TDRP: variants seen among roughly 807,000 people sequenced by gnomAD.
TDRP encodes the protein testis development-related protein.
A neutral mutation model predicts 10.5 loss-of-function variants in TDRP; 12 were observed. The observed-to-expected ratio is 1.15, with a 90% CI of 0.73 to 1.86. TDRP has a LOEUF of 1.86. Among genes scored for constraint, TDRP ranks in the 40% most tolerant of loss-of-function variants. TDRP has a pLI of 0.00. For synonymous variants in TDRP, 139 were observed against 95.4 expected, an observed-to-expected ratio of 1.46 and a Z score of -2.67; for missense variants, 353 against 229.2, an observed-to-expected ratio of 1.54 and a Z score of -3.49.
Position 492,075 on chromosome 8 carries a change from G to A in TDRP, c.*324C>T. 8.6e-7 allele frequency: 1 copy of A among 1,159,760 alleles called. No homozygotes were observed. Among genetic ancestry groups the A allele is most frequent in the Non-Finnish European group, 1.1e-6 (1 of 942,984 alleles). The allele number at this position is 1,159,760 out of a possible 1,614,324, so 71.8% of individuals were successfully genotyped here. The stretch of plus-strand genomic sequence containing the variant: ...ACAGAACTACAACACAGAGCAGCAT[G>A]AAAATCATTTTGTGAGAAACTGCAA... On this transcript the variant is annotated 3_prime_UTR_variant, in exon 3 of 3. Transcript: ENST00000324079.
intron 1 of TDRP, among the ~76,000 whole-genome samples, chr8:511,836 G>A (rs779558602): frequency 1.3e-5 from 2 of 152,070 alleles, no homozygotes; most frequent in Non-Finnish European, 2.9e-5. Context: ...ATTACCAATG[G>A]GTCTAAGAAG....
intron 1 of TDRP, among the ~76,000 whole-genome samples, chr8:504,327 G>A (rs1209159635): frequency 6.6e-6 from 1 of 152,184 alleles, no homozygotes; most frequent in Non-Finnish European, 1.5e-5. Flanking sequence ...GCTCCAGACA[G>A]CATGTTTTGG....
intron 1 of TDRP, among the ~76,000 whole-genome samples, chr8:495,657 C>A (rs548488178): frequency 2.6e-5 from 4 of 152,138 alleles, no homozygotes; most frequent in African/African-American, 9.7e-5. Context: ...CGGGGTAGAG[C>A]CAGCTTTAGA....
At chr8:531,094 C>T (rs138948646) in intron 1 of TDRP, among the ~76,000 whole-genome samples, 55 of 152,278 alleles carry the variant, frequency 3.6e-4, no homozygotes, top group African/African-American at 1.3e-3. Context: ...TCACTTTCTA[C>T]CCAGCAGAGA....
intron 1 of TDRP, among the ~76,000 whole-genome samples, chr8:505,114 C>T (rs1462893270): frequency 1.3e-5 from 2 of 152,222 alleles, no homozygotes; most frequent in Non-Finnish European, 2.9e-5. Context: ...TTAATTACCA[C>T]ATTTGGAATT....
intron 1 of TDRP, among the ~76,000 whole-genome samples, chr8:497,394 G>T (rs1801165576): frequency 6.6e-6 from 1 of 152,204 alleles, no homozygotes; most frequent in African/African-American, 2.4e-5. Flanking sequence ...GAGATATGTG[G>T]AACCTTGAAC....
intron 1 of TDRP, among the ~76,000 whole-genome samples, chr8:530,045 G>C (rs987767046): frequency 2.6e-5 from 4 of 151,636 alleles, no homozygotes; most frequent in African/African-American, 9.7e-5. Flanking sequence ...AAATCCCTTA[G>C]GCTTTACTTT....
At chr8:531,437 C>T (rs184709103) in intron 1 of TDRP, among the ~76,000 whole-genome samples, 2 of 152,176 alleles carry the variant, frequency 1.3e-5, no homozygotes, top group Admixed American at 6.5e-5. Context: ...TGCAGTCTTG[C>T]GGGAATGACT....
chr8:530,876 C>T (rs953702755), intron 1 of TDRP, among the ~76,000 whole-genome samples: 5 of 152,206 alleles, frequency 3.3e-5, no homozygotes, highest in Non-Finnish European at 7.3e-5. Flanking sequence ...AAGAACCACA[C>T]GCTCTCTCCT....
At chr8:504,985 T>G (rs886561516) in intron 1 of TDRP, among the ~76,000 whole-genome samples, 4 of 152,220 alleles carry the variant, frequency 2.6e-5, no homozygotes, top group Non-Finnish European at 5.9e-5. Flanking sequence ...TCCCACACCG[T>G]TTTTAACAAA....
At chr8:495,006 A>C in intron 1 of TDRP, 2 of 158,292 alleles carry the variant, frequency 1.3e-5, no homozygotes, top group Non-Finnish European at 2.8e-5. Context: ...CCAAGGCAGG[A>C]GGATTACTTG....
chr8:507,463 G>A (rs1801497434), intron 1 of TDRP, among the ~76,000 whole-genome samples: 1 of 151,666 alleles, frequency 6.6e-6, no homozygotes, highest in Non-Finnish European at 1.5e-5. Context: ...CATTTGTAGA[G>A]CAATGTATGC....
intron 1 of TDRP, among the ~76,000 whole-genome samples, chr8:513,518 G>C (rs1021194384): frequency 6.6e-6 from 1 of 152,134 alleles, no homozygotes; most frequent in Non-Finnish European, 1.5e-5. Flanking sequence ...CTAGTAATGG[G>C]TGTCTATGAA....
At chr8:515,643 G>A (rs1053275322) in intron 1 of TDRP, among the ~76,000 whole-genome samples, 4 of 152,316 alleles carry the variant, frequency 2.6e-5, no homozygotes, top group Admixed American at 1.3e-4. Flanking sequence ...ACCCACTGAT[G>A]TCAGGAAGAG....
At position 491,531 on chromosome 8, in the gene TDRP, T is replaced by C; in HGVS notation, c.*868A>G. 1 of 1,362,090 alleles carries C rather than the reference T, an allele frequency of 7.3e-7. No homozygotes were observed. Among genetic ancestry groups the C allele is most frequent in the Non-Finnish European group, 9.8e-7 (1 of 1,020,548 alleles). 84.4% of individuals were successfully genotyped at this position (1,362,090 alleles called of 1,614,324 possible). ...CACCAATCACAATAGGCATCTCGCT[T>C]TGCAAGAACAAACATATGAGCCTAA... On this transcript the variant is annotated 3_prime_UTR_variant, in exon 3 of 3. Transcript: ENST00000324079.
chr8:515,405 G>C (rs560640016), intron 1 of TDRP, among the ~76,000 whole-genome samples: 2 of 152,184 alleles, frequency 1.3e-5, no homozygotes, highest in Admixed American at 1.3e-4. Context: ...GAGATGCTTG[G>C]AACCAGAAGT....
chr8:519,982 A>C (rs1801856515), intron 1 of TDRP, among the ~76,000 whole-genome samples: 1 of 152,234 alleles, frequency 6.6e-6, no homozygotes, highest in Admixed American at 6.5e-5. Flanking sequence ...AGCTAAATAA[A>C]TGCGTGTAAG....
chr8:505,072 A>G (rs748529127), intron 1 of TDRP, among the ~76,000 whole-genome samples: 12 of 152,262 alleles, frequency 7.9e-5, no homozygotes, highest in Non-Finnish European at 1.8e-4. Flanking sequence ...CATAACCTTC[A>G]GATAATTTTG....
intron 1 of TDRP, among the ~76,000 whole-genome samples, chr8:544,272 G>T (rs1468927531): frequency 6.6e-6 from 1 of 151,870 alleles, no homozygotes; most frequent in African/African-American, 2.4e-5. Flanking sequence ...TCTGCGTCCC[G>T]GGCCCACGAC....
Sources: gnomAD v4.1 joint callset for allele counts (sites outside exome capture counted in the v4.1 genomes callset) on GRCh38, gnomAD v4.1.1 for gene constraint, MANE v1.5 for transcripts, NCBI Gene and HGNC (gene_info 2026-07-23, HGNC 2026-07-21) for gene names.